Variants in AFG2A observed in about 807,000 individuals in gnomAD.
The protein encoded by AFG2A is AAA ATPase AFG2A.
At chr4:123,212,375 A>C in the AFG2A span, among the ~76,000 whole-genome samples, 5 of 152,096 alleles carry the variant, frequency 3.3e-5, no homozygotes. Context: ...TAACTGTTTC[A>C]GTTGTTCCGT....
the AFG2A span, among the ~76,000 whole-genome samples, chr4:123,286,115 A>G: frequency 6.6e-5 from 10 of 152,216 alleles, no homozygotes; most frequent in East Asian, 1.7e-3. Flanking sequence ...GGACTTAAGC[A>G]TAGGTTTTCC....
At chr4:123,244,852 C>T in the AFG2A span, among the ~76,000 whole-genome samples, 1 of 139,198 alleles carries the variant, frequency 7.2e-6, no homozygotes, top group African/African-American at 2.6e-5. Flanking sequence ...GATCACCTTA[C>T]ATTGTGATTT....
chr4:123,204,402 G>A, the AFG2A span, among the ~76,000 whole-genome samples: 4 of 152,160 alleles, frequency 2.6e-5, no homozygotes, highest in South Asian at 2.1e-4. Flanking sequence ...TCATATTCTA[G>A]TAGGTATGTA....
chr4:123,269,965 C>T, the AFG2A span, among the ~76,000 whole-genome samples: 2 of 152,010 alleles, frequency 1.3e-5, no homozygotes, highest in Non-Finnish European at 2.9e-5. Context: ...TACATATGCC[C>T]GCCACCACGC....
At chr4:123,156,727 G>C in the AFG2A span, among the ~76,000 whole-genome samples, 11 of 142,774 alleles carry the variant, frequency 7.7e-5, no homozygotes, top group African/African-American at 2.9e-4. Context: ...GCCCTCCAAA[G>C]GCTTTATGTT....
At chr4:123,004,228 A>C in the AFG2A span, among the ~76,000 whole-genome samples, 40 of 152,294 alleles carry the variant, frequency 2.6e-4, no homozygotes, top group South Asian at 6.6e-3. Flanking sequence ...TTCCTTGACC[A>C]GGAAAGGGAA....
the AFG2A span, among the ~76,000 whole-genome samples, chr4:123,108,357 A>G: frequency 6.6e-6 from 1 of 152,188 alleles, no homozygotes; most frequent in African/African-American, 2.4e-5. Context: ...ATTTTCATAA[A>G]TATAACTAAA....
At chr4:122,956,141 T>C in the AFG2A span, among the ~76,000 whole-genome samples, 1 of 152,206 alleles carries the variant, frequency 6.6e-6, no homozygotes, top group Non-Finnish European at 1.5e-5. Flanking sequence ...GAAAGAGATT[T>C]GTAAACAACT....
At chr4:123,256,180 G>C in the AFG2A span, 2 of 1,613,908 alleles carry the variant, frequency 1.2e-6, no homozygotes, top group East Asian at 4.5e-5. Context: ...CAGGAGCAGA[G>C]GTAAGATAGT....
At chr4:123,315,184 CT>C in the AFG2A span, 100,418 of 147,132 alleles carry the variant, frequency 0.68, 36,213 homozygotes, top group Non-Finnish European at 0.81. Context: ...CCAAATTGTA[CT>C]TTTTTTTTTT....
the AFG2A span, among the ~76,000 whole-genome samples, chr4:122,955,344 C>A: frequency 6.6e-6 from 1 of 152,198 alleles, no homozygotes; most frequent in Non-Finnish European, 1.5e-5. Context: ...TAATCCATTC[C>A]TGAGGATTAA....
chr4:123,085,655 A>G, the AFG2A span, among the ~76,000 whole-genome samples: 1 of 151,662 alleles, frequency 6.6e-6, no homozygotes, highest in Non-Finnish European at 1.5e-5. Context: ...TATTCATTCA[A>G]TCTCTGTTCT....
the AFG2A span, among the ~76,000 whole-genome samples, chr4:123,046,103 A>T: frequency 3.9e-5 from 6 of 152,030 alleles, no homozygotes. Context: ...TCTCAAAAAA[A>T]AAAAAGAAAG....
At chr4:123,130,288 A>G in the AFG2A span, among the ~76,000 whole-genome samples, 1 of 152,180 alleles carries the variant, frequency 6.6e-6, no homozygotes, top group African/African-American at 2.4e-5. Flanking sequence ...AAGTACTGAG[A>G]TGACAGGCGT....
the AFG2A span, among the ~76,000 whole-genome samples, chr4:123,255,695 C>T: frequency 7.4e-4 from 109 of 147,516 alleles, no homozygotes; most frequent in African/African-American, 2.5e-3. Flanking sequence ...AAGGGCAAAC[C>T]TCCCATAAGT....
At chr4:123,084,927 G>A in the AFG2A span, among the ~76,000 whole-genome samples, 2 of 151,856 alleles carry the variant, frequency 1.3e-5, no homozygotes, top group African/African-American at 2.4e-5. Flanking sequence ...TACTGCACCC[G>A]GCCTAAAAAT....
chr4:123,140,486 T>C, the AFG2A span, among the ~76,000 whole-genome samples: 1 of 125,486 alleles, frequency 8.0e-6, no homozygotes, highest in Admixed American at 9.0e-5. Flanking sequence ...ACACCTCCCT[T>C]AGAGGATAAG....
the AFG2A span, among the ~76,000 whole-genome samples, chr4:123,175,131 A>G: frequency 3.3e-5 from 5 of 152,218 alleles, no homozygotes; most frequent in African/African-American, 1.2e-4. Context: ...CTGCAAAAGC[A>G]CAAACTATCA....
chr4:122,980,954 G>A, the AFG2A span, among the ~76,000 whole-genome samples: 796 of 152,012 alleles, frequency 5.2e-3, 7 homozygotes, highest in African/African-American at 0.018. Context: ...CATTCCATAG[G>A]TTGTCTCTTT....
Sources: allele counts gnomAD v4.1 joint callset (sites outside exome capture counted in the v4.1 genomes callset), GRCh38; gene constraint gnomAD v4.1.1; transcripts MANE v1.5; gene names NCBI Gene and HGNC (gene_info 2026-07-23, HGNC 2026-07-21).